The following EIF2S1 variants were observed in gnomAD, a reference collection of about 807,000 sequenced individuals.
The protein encoded by EIF2S1 is eukaryotic translation initiation factor 2 subunit 1.
EIF2S1 carries 5 observed loss-of-function variants against 33.5 expected under a neutral mutation model. That is an observed-to-expected ratio of 0.15 (90% CI 0.08 to 0.31). EIF2S1 has a LOEUF of 0.31. Ranked by LOEUF, EIF2S1 falls within the 10% of genes least tolerant of loss-of-function variation. The probability of loss-of-function intolerance (pLI) is 1.00; values close to 1 mark genes in which losing one functional copy is unlikely to be tolerated. For missense variants in EIF2S1, 191 were observed against 384.6 expected (o/e 0.50, Z 4.21); for synonymous variants, 99 against 127.5 (o/e 0.78, Z 1.51).
At chr14:67,379,889 C>T (rs1228896645) in intron 4 of EIF2S1, among the ~76,000 whole-genome samples, 1 of 151,724 alleles carries the variant, frequency 6.6e-6, no homozygotes, top group African/African-American at 2.4e-5. Context: ...CTCCTGACCT[C>T]GTGATCCGCC....
In EIF2S1 at chr14:67,377,208, G is replaced by A. The variant is rs572453589; in HGVS notation, c.473+618G>A. Among the ~76,000 whole-genome samples the A allele has an allele frequency of 3.9e-5, 6 of 152,228 alleles. No individual in the cohort carries two copies. In the South Asian group the frequency reaches 1.2e-3, roughly 32 times the overall value. ...AACGACTTTGTTGCCATTATTGTGA[G>A]CTTTTGCCTTGTTTTTCCTTCCATC... is the stretch of plus-strand genomic sequence containing the variant. On this transcript the variant is annotated intron_variant, in intron 4 of 7. Transcript: ENST00000256383.
chr14:67,368,010 G>A (rs1280942000), intron 2 of EIF2S1, among the ~76,000 whole-genome samples: 1 of 152,128 alleles, frequency 6.6e-6, no homozygotes, highest in East Asian at 1.9e-4. Flanking sequence ...CTATAGAGGT[G>A]ACTGAGTGAT....
intron 1 of EIF2S1, among the ~76,000 whole-genome samples, chr14:67,363,217 C>G (rs373760393): frequency 6.6e-6 from 1 of 151,652 alleles, no homozygotes; most frequent in African/African-American, 2.4e-5. Context: ...CCCCCACCCT[C>G]GAAAAGCCCT....
rs754359600 is a variant in EIF2S1 at position 67,380,760 on chromosome 14, G to A, written c.575G>A (p.Arg192Gln). 1.3e-6 allele frequency: 2 copies of A among 1,508,726 alleles called. No individual in the cohort carries two copies. The highest frequency in any genetic ancestry group is 1.8e-6 in the Non-Finnish European group (2 of 1,127,066). The allele number at this position is 1,508,726 out of a possible 1,614,324, so 93.5% of individuals were successfully genotyped here. The change falls in exon 5 of 8, where the codon CGA becomes CAA. Residue 192 changes from arginine to glutamine, a missense_variant. By Grantham distance (43) the Arg-to-Gln change is conservative. Coordinates refer to ENST00000256383, the MANE Select transcript of EIF2S1 (RefSeq NM_004094.5). ...TTGACCCCACAGGCTGTCAAAATTC[G>A]AGCAGGTAAATGATTTTTTAAATGA... is the stretch of plus-strand genomic sequence containing the variant. ...RRLTPQAVKIRADIEVACYGY... is the reference protein window; with the variant it reads ...RRLTPQAVKIQADIEVACYGY...
At chr14:67,366,910 GCTAAGGTT>G (rs899583858) in intron 2 of EIF2S1, among the ~76,000 whole-genome samples, 3 of 143,532 alleles carry the variant, frequency 2.1e-5, no homozygotes, top group African/African-American at 8.4e-5. Context: ...AAGCCAGGCA[GCTAAGGTT>G]CTAGCAGAAA....
chr14:67,383,193 C>G, intron 7 of EIF2S1, 122 bp from the exon 8 acceptor site: 3 of 1,081,310 alleles, frequency 2.8e-6, no homozygotes, highest in Non-Finnish European at 1.3e-6. Flanking sequence ...CAAAAGTGAA[C>G]AGATATGACA....
Position 67,386,124 on chromosome 14 carries a change from G to A in EIF2S1, c.*2684G>A, listed in dbSNP as rs1166025652. 1 of 152,582 alleles carries A rather than the reference G, an allele frequency of 6.6e-6. No individual in the cohort carries two copies. Among genetic ancestry groups the A allele is most frequent in the East Asian group, 1.9e-4 (1 of 5,200 alleles). 9.5% of individuals were successfully genotyped at this position (152,582 alleles called of 1,614,324 possible). A position where few individuals can be genotyped will look rare whatever the true frequency, so the allele number is the denominator to read the frequency against. On this transcript the variant is annotated 3_prime_UTR_variant, in exon 8 of 8. Coordinates refer to ENST00000256383, the MANE Select transcript of EIF2S1 (RefSeq NM_004094.5). ...GCAGGAAGCCATCAAACTAAACGTAGTTTAATTCAGATGAACACCTATCGA... is the reference window on the plus strand; with the variant it reads ...GCAGGAAGCCATCAAACTAAACGTAATTTAATTCAGATGAACACCTATCGA...
At position 67,364,781 on chromosome 14, in the gene EIF2S1, G is replaced by C; in HGVS notation, c.14G>C (p.Ser5Thr). 2 of 1,613,268 alleles carry C rather than the reference G, an allele frequency of 1.2e-6. No individual in the cohort carries two copies. The highest frequency in any genetic ancestry group is 1.7e-6 in the Non-Finnish European group (2 of 1,179,542). MPGL[S>T]CRFYQHKFPE... is the part of the protein sequence containing the mutation. ...TTAAATTGCAGAATGCCGGGTCTAA[G>C]TTGTAGATTTTATCAACACAAATTT... Residue 5 changes from serine (S) to threonine (T), a missense_variant, in exon 2 of 8, where the codon AGT becomes ACT. Transcript: ENST00000256383.
intron 1 of EIF2S1, among the ~76,000 whole-genome samples, chr14:67,361,061 TGGC>T (rs1368058992): frequency 6.6e-6 from 1 of 152,206 alleles, no homozygotes; most frequent in Non-Finnish European, 1.5e-5. Flanking sequence ...TGTCGTATTT[TGGC>T]GACAATGAGA....
intron 5 of EIF2S1, 127 bp downstream of exon 5, chr14:67,380,892 T>TA: frequency 2.1e-6 from 1 of 468,990 alleles, no homozygotes; most frequent in Non-Finnish European, 3.7e-6. Flanking sequence ...GGTTGTTTTT[T>TA]ATAACAAAAG....
At position 67,380,740 on chromosome 14, in the gene EIF2S1, C is replaced by T; in HGVS notation, c.555C>T (p.Thr185=). Residue 185 remains threonine (T), a synonymous_variant, in exon 5 of 8, where the codon ACC becomes ACT. Coordinates refer to ENST00000256383, the MANE Select transcript of EIF2S1 (RefSeq NM_004094.5). ...VLINNINRRL[T]PQAVKIRADI... is the part of the protein sequence containing the mutation. ...TTAATAATATTAATAGGCGCTTGAC[C>T]CCACAGGCTGTCAAAATTCGAGCAG... 6.5e-7 allele frequency: 1 copy of T among 1,547,068 alleles called. No homozygotes were observed. Among genetic ancestry groups the T allele is most frequent in the Non-Finnish European group, 8.7e-7 (1 of 1,149,882 alleles).
intron 1 of EIF2S1, 183 bp from the exon 2 acceptor site, chr14:67,364,584 G>C: frequency 1.8e-6 from 1 of 555,034 alleles, no homozygotes; most frequent in South Asian, 2.7e-5. Flanking sequence ...AAAAATTAAA[G>C]CTTGGTTCCT....
chr14:67,380,775 T>C lies in EIF2S1; in HGVS notation c.580+10T>C. 6.9e-7 allele frequency: 1 copy of C among 1,449,818 alleles called. No homozygotes were observed. The highest frequency in any genetic ancestry group is 1.4e-5 in the South Asian group (1 of 69,666). The allele number at this position is 1,449,818 out of a possible 1,614,324, so 89.8% of individuals were successfully genotyped here. A position where few individuals can be genotyped will look rare whatever the true frequency, so the allele number is the denominator to read the frequency against. ...GTCAAAATTCGAGCAGGTAAATGATTTTTTAAATGATTTTTACAGTATTTT... is the reference window on the plus strand; with the variant it reads ...GTCAAAATTCGAGCAGGTAAATGATCTTTTAAATGATTTTTACAGTATTTT... On this transcript the variant is annotated intron_variant, in intron 5 of 7. Transcript: ENST00000256383.
chr14:67,376,735 T>TG, intron 4 of EIF2S1, 145 bp downstream of exon 4: 1 of 731,692 alleles, frequency 1.4e-6, no homozygotes, highest in Non-Finnish European at 2.2e-6. Context: ...CAATCCTATA[T>TG]GGTCAAGTCT....
intron 2 of EIF2S1, among the ~76,000 whole-genome samples, chr14:67,367,794 C>A (rs1222139467): frequency 6.6e-6 from 1 of 151,656 alleles, no homozygotes; most frequent in Non-Finnish European, 1.5e-5. Flanking sequence ...CAAGATTGCA[C>A]CGCTGCACTC....
Position 67,365,013 on chromosome 14 carries a change from G to A in EIF2S1, c.241+5G>A, listed in dbSNP as rs769090870. The stretch of plus-strand genomic sequence containing the variant: ...TTAGGGTGGACAAAGAAAAAGGTAA[G>A]TGAGAAAAATATCTGTAATATAAAT... On this transcript the variant is annotated splice_donor_5th_base_variant and intron_variant, in intron 2 of 7. Coordinates refer to ENST00000256383, the MANE Select transcript of EIF2S1 (RefSeq NM_004094.5). 7 of 1,576,276 alleles carry A rather than the reference G, an allele frequency of 4.4e-6. No homozygotes were observed. The highest frequency in any genetic ancestry group is 5.2e-6 in the Non-Finnish European group (6 of 1,159,718).
At chr14:67,374,316 T>A (rs528357557) in intron 2 of EIF2S1, 152 bp from the exon 3 acceptor site, 44 of 446,570 alleles carry the variant, frequency 9.9e-5, no homozygotes, top group African/African-American at 8.2e-4. Flanking sequence ...ATACTCAGCC[T>A]TGTAATACTT....
intron 4 of EIF2S1, among the ~76,000 whole-genome samples, chr14:67,379,901 G>T (rs1489555223): frequency 6.6e-6 from 1 of 151,648 alleles, no homozygotes; most frequent in African/African-American, 2.4e-5. Context: ...TGATCCGCCC[G>T]CCTCGGCCTC....
chr14:67,360,399 T>G lies in EIF2S1; in HGVS notation c.-59T>G, dbSNP rs1484344263. ...CGGTGAGGGGGAAGCAAGTCTGGTCTCTGTGATTGAAGAAGTCGGCTCTGG... is the reference window on the plus strand; with the variant it reads ...CGGTGAGGGGGAAGCAAGTCTGGTCGCTGTGATTGAAGAAGTCGGCTCTGG... On this transcript the variant is annotated 5_prime_UTR_variant, in exon 1 of 8. Transcript: ENST00000256383. 5.1e-6 allele frequency: 2 copies of G among 395,272 alleles called. No homozygotes were observed. The highest frequency in any genetic ancestry group is 4.1e-5 in the African/African-American group (2 of 48,544). The allele number at this position is 395,272 out of a possible 1,614,324, so 24.5% of individuals were successfully genotyped here.
Sources: gnomAD v4.1 joint callset for allele counts (sites outside exome capture counted in the v4.1 genomes callset) on GRCh38, gnomAD v4.1.1 for gene constraint, MANE v1.5 for transcripts, NCBI Gene and HGNC (gene_info 2026-07-23, HGNC 2026-07-21) for gene names.